GPHN: variants seen among roughly 807,000 people sequenced by gnomAD.
The protein encoded by GPHN is gephyrin.
GPHN carries 17 observed loss-of-function variants against 95.5 expected under a neutral mutation model. The ratio of observed to expected loss-of-function variants is 0.18; its 90% CI spans 0.12 to 0.27. GPHN has a LOEUF of 0.27. Among genes scored for constraint, GPHN ranks in the 10% least tolerant of loss-of-function variants. The pLI is 1.00. For missense variants in GPHN, 660 were observed against 978.1 expected, an observed-to-expected ratio of 0.67 and a Z score of 4.34; for synonymous variants, 320 against 322.5, an observed-to-expected ratio of 0.99 and a Z score of 0.08.
the GPHN span, chr14:67,533,580 C>G: frequency 6.6e-6 from 1 of 152,176 alleles, no homozygotes; most frequent in East Asian, 1.9e-4. Flanking sequence ...CTTGGGAAGC[C>G]GGGCGCCCCA....
chr14:67,498,170 C>T, the GPHN span, among the ~76,000 whole-genome samples: 12 of 152,102 alleles, frequency 7.9e-5, no homozygotes, highest in African/African-American at 2.2e-4. Flanking sequence ...TCTCTGTTCC[C>T]GATCCATTCA....
chr14:67,385,453 A>C, the GPHN span: 1 of 151,768 alleles, frequency 6.6e-6, no homozygotes, highest in Non-Finnish European at 1.5e-5. Context: ...AAAAAAAAAA[A>C]AAACCAAAAA....
At chr14:66,906,251 G>A (rs2065375970) in intron 5 of GPHN, among the ~76,000 whole-genome samples, 1 of 152,160 alleles carries the variant, frequency 6.6e-6, no homozygotes. Context: ...TATGAGCAGA[G>A]TTTCCAGGGT....
At chr14:67,354,687 T>G in the GPHN span, among the ~76,000 whole-genome samples, 2 of 152,254 alleles carry the variant, frequency 1.3e-5, no homozygotes, top group African/African-American at 4.8e-5. Flanking sequence ...AAAAATGTGC[T>G]TATATAGATG....
At chr14:67,494,819 A>C in the GPHN span, among the ~76,000 whole-genome samples, 21 of 152,348 alleles carry the variant, frequency 1.4e-4, no homozygotes, top group Admixed American at 7.2e-4. Context: ...CCAAATTTTA[A>C]AAACAGAAGT....
chr14:66,804,956 A>G (rs1296044294), intron 3 of GPHN, among the ~76,000 whole-genome samples: 1 of 152,224 alleles, frequency 6.6e-6, no homozygotes, highest in East Asian at 1.9e-4. Flanking sequence ...TGGTTTGTGT[A>G]ATGCTCTGTG....
chr14:67,180,990 T>A lies in GPHN; in HGVS notation c.*53T>A. ...GCATGTCCACATATCATTGACTGTA[T>A]CCTGTAATATGCAACGGCACAGCTA... On this transcript the variant is annotated 3_prime_UTR_variant, in exon 23 of 23. Coordinates refer to ENST00000478722, the MANE Select transcript of GPHN (RefSeq NM_020806.5). The A allele has an allele frequency of 6.3e-7, 1 of 1,575,892 alleles. No homozygotes were observed. Among genetic ancestry groups the A allele is most frequent in the Non-Finnish European group, 8.7e-7 (1 of 1,145,596 alleles).
At chr14:67,256,080 T>C in the GPHN span, among the ~76,000 whole-genome samples, 2 of 148,172 alleles carry the variant, frequency 1.3e-5, no homozygotes, top group Non-Finnish European at 1.5e-5. Flanking sequence ...CCTCAAATTA[T>C]AAAAGCAACA....
At chr14:67,277,972 G>A in the GPHN span, among the ~76,000 whole-genome samples, 3 of 151,832 alleles carry the variant, frequency 2.0e-5, no homozygotes, top group African/African-American at 7.3e-5. Context: ...AAGTTTTTGA[G>A]TGGTAACAGA....
At chr14:67,635,936 T>C in the GPHN span, among the ~76,000 whole-genome samples, 1 of 152,200 alleles carries the variant, frequency 6.6e-6, no homozygotes, top group South Asian at 2.1e-4. Flanking sequence ...TATTTGAGTC[T>C]GTAACTTTAA....
At chr14:66,873,283 C>T (rs2063519198) in intron 4 of GPHN, among the ~76,000 whole-genome samples, 1 of 152,174 alleles carries the variant, frequency 6.6e-6, no homozygotes, top group South Asian at 2.1e-4. Flanking sequence ...CAGGAGATTC[C>T]CTCGGGTGCC....
the GPHN span, among the ~76,000 whole-genome samples, chr14:67,481,941 G>A: frequency 2.6e-5 from 4 of 152,252 alleles, no homozygotes; most frequent in African/African-American, 9.6e-5. Context: ...GAAATTCAGG[G>A]TGGATTGAAG....
chr14:66,554,794 A>T (rs8016639), intron 1 of GPHN, among the ~76,000 whole-genome samples: 49,897 of 152,054 alleles, frequency 0.33, 12,020 homozygotes, highest in African/African-American at 0.66. Context: ...TCATTTTCAT[A>T]CTGATAAAAT....
At chr14:67,293,498 G>A in the GPHN span, among the ~76,000 whole-genome samples, 1 of 152,126 alleles carries the variant, frequency 6.6e-6, no homozygotes, top group Non-Finnish European at 1.5e-5. Flanking sequence ...TATAAAATAG[G>A]TTAGAAGGTA....
At chr14:66,792,070 C>A (rs2059988954) in intron 3 of GPHN, among the ~76,000 whole-genome samples, 1 of 152,112 alleles carries the variant, frequency 6.6e-6, no homozygotes, top group Non-Finnish European at 1.5e-5. Context: ...GGGGAAATTA[C>A]CCCCATGATT....
In GPHN at chr14:67,133,491, T is replaced by C. The variant is rs1368342471; in HGVS notation, c.1749-9871T>C. ...CAAGACAGAGCCTTTACCATTTATC[T>C]TCATGATAAAGCAAAAATAATTTTA... is the stretch of plus-strand genomic sequence containing the variant. On this transcript the variant is annotated intron_variant, in intron 17 of 22. Coordinates refer to ENST00000478722, the MANE Select transcript of GPHN (RefSeq NM_020806.5). Among the ~76,000 whole-genome samples, 3 of 152,210 alleles carry C rather than the reference T, an allele frequency of 2.0e-5. No individual in the cohort carries two copies. The East Asian group carries it at 5.8e-4, about 29-fold the overall frequency.
the GPHN span, among the ~76,000 whole-genome samples, chr14:67,490,946 C>T: frequency 6.6e-6 from 1 of 152,154 alleles, no homozygotes; most frequent in Admixed American, 6.5e-5. Context: ...CCAGCAGACA[C>T]CAACTGGGTC....
chr14:67,286,184 G>A, the GPHN span, among the ~76,000 whole-genome samples: 1 of 152,210 alleles, frequency 6.6e-6, no homozygotes, highest in Admixed American at 6.5e-5. Flanking sequence ...TGGGCAGAGT[G>A]CCTCCATCCC....
intron 2 of GPHN, among the ~76,000 whole-genome samples, chr14:66,724,315 A>G (rs927668554): frequency 2.0e-5 from 3 of 152,058 alleles, no homozygotes; most frequent in South Asian, 2.1e-4. Context: ...AGATCTTCCA[A>G]TCATAAGTAG....
Sources: gnomAD v4.1 joint callset for allele counts (sites outside exome capture counted in the v4.1 genomes callset) on GRCh38, gnomAD v4.1.1 for gene constraint, MANE v1.5 for transcripts, NCBI Gene and HGNC (gene_info 2026-07-23, HGNC 2026-07-21) for gene names.